Variants in BEND5 observed in about 807,000 individuals in gnomAD.
BEND5 encodes BEN domain containing 5.
Under a neutral mutation model 43.9 loss-of-function variants are expected in BEND5, and 22 were observed. The observed-to-expected ratio is 0.50, with a 90% CI of 0.36 to 0.72. The LOEUF (loss-of-function observed/expected upper bound fraction) is 0.72, where lower values mean the gene tolerates loss of function less well. Among genes scored for constraint, BEND5 ranks in the 30% least tolerant of loss-of-function variants. The probability of loss-of-function intolerance (pLI) is 0.00; values close to 1 mark genes in which losing one functional copy is unlikely to be tolerated. For missense variants in BEND5, 428 were observed against 550.6 expected, an observed-to-expected ratio of 0.78 and a Z score of 2.23; for synonymous variants, 228 against 225.9, an observed-to-expected ratio of 1.01 and a Z score of -0.08.
intron 3 of BEND5, among the ~76,000 whole-genome samples, chr1:48,746,609 G>A (rs1165693852): frequency 2.0e-5 from 3 of 152,192 alleles, no homozygotes; most frequent in Non-Finnish European, 4.4e-5. Flanking sequence ...CCTCCTTCCA[G>A]GACATTGTCT....
At chr1:48,759,577 A>G (rs1644144369) in intron 2 of BEND5, among the ~76,000 whole-genome samples, 1 of 152,184 alleles carries the variant, frequency 6.6e-6, no homozygotes, top group Admixed American at 6.5e-5. Context: ...CTGGATGCAT[A>G]TACCATGACC....
chr1:48,769,570 C>CACACACACACACACA (rs34256470), intron 1 of BEND5, among the ~76,000 whole-genome samples: 1 of 142,384 alleles, frequency 7.0e-6, no homozygotes, highest in African/African-American at 2.9e-5. Context: ...CACACACACA[C>CACACACACACACACA]AAGTTAAATT....
At position 48,761,369 on chromosome 1, in the gene BEND5, C is replaced by T. The variant is rs1644247490; in HGVS notation, c.328G>A (p.Gly110Arg). ...TGTCTAAGCTGTAAATCTTCTTCCC[C>T]ATAATCTTTAACCTCTCCATCTTCT... is the stretch of plus-strand genomic sequence containing the variant. ...VEEDGEVKDY[G>R]EEDLQLRHIK... Residue 110 changes from glycine (G) to arginine (R), a missense_variant, in exon 2 of 6, where the codon GGG (glycine) becomes AGG (arginine). Physicochemically the swap from Gly to Arg is moderately radical, Grantham distance 125 (BLOSUM62 -2). Transcript: ENST00000371833. 6.4e-7 allele frequency: 1 copy of T among 1,551,990 alleles called. No individual in the cohort carries two copies. Among genetic ancestry groups the T allele is most frequent in the Non-Finnish European group, 8.7e-7 (1 of 1,147,046 alleles).
Position 48,727,862 on chromosome 1 carries a change from A to G in BEND5, c.*24T>C. The G allele has an allele frequency of 6.3e-7, 1 of 1,592,022 alleles. No individual in the cohort carries two copies. Among genetic ancestry groups the G allele is most frequent in the Non-Finnish European group, 8.6e-7 (1 of 1,163,170 alleles). The stretch of plus-strand genomic sequence containing the variant: ...TCACATGCCACACAAGGAAAACACG[A>G]AAGCTTTATGAAAAATCCAAAGTTT... On this transcript the variant is annotated 3_prime_UTR_variant, in exon 6 of 6. Coordinates refer to ENST00000371833, the MANE Select transcript of BEND5 (RefSeq NM_024603.4).
chr1:48,744,997 G>A (rs1570463371), intron 3 of BEND5, among the ~76,000 whole-genome samples: 1 of 22,228 alleles, frequency 4.5e-5, no homozygotes, highest in Admixed American at 4.0e-4. Context: ...CTCCCAGGTA[G>A]GGGGGGTCTC....
In BEND5 at chr1:48,768,594, A is replaced by G. The variant is rs552663491; in HGVS notation, c.227-7124T>C. ...TCTGTATTCAAAAGTGAATTTACCC[A>G]TGAAGAATTTACAGTATTATTAAAA... is the stretch of plus-strand genomic sequence containing the variant. On this transcript the variant is annotated intron_variant, in intron 1 of 5. Transcript: ENST00000371833. 3.3e-4 allele frequency among the ~76,000 whole-genome samples: 51 copies of G among 152,314 alleles called. No individual in the cohort carries two copies. The South Asian group carries it at 9.7e-3, about 29-fold the overall frequency.
At chr1:48,769,004 G>A (rs907862789) in intron 1 of BEND5, among the ~76,000 whole-genome samples, 2 of 152,198 alleles carry the variant, frequency 1.3e-5, no homozygotes, top group African/African-American at 2.4e-5. Context: ...AAAGACATCA[G>A]GAGACACCAA....
intron 4 of BEND5, among the ~76,000 whole-genome samples, chr1:48,741,288 G>A (rs1354501950): frequency 2.0e-5 from 3 of 152,228 alleles, no homozygotes; most frequent in African/African-American, 7.2e-5. Context: ...CCTTTGGAGA[G>A]CATCAATCCA....
intron 4 of BEND5, among the ~76,000 whole-genome samples, chr1:48,738,662 C>A (rs1184425385): frequency 6.6e-6 from 1 of 152,126 alleles, no homozygotes; most frequent in Non-Finnish European, 1.5e-5. Context: ...GAGATGGATG[C>A]CAACTTTACA....
intron 3 of BEND5, among the ~76,000 whole-genome samples, chr1:48,749,543 T>C (rs1417233921): frequency 6.6e-6 from 1 of 152,226 alleles, no homozygotes; most frequent in East Asian, 1.9e-4. Context: ...CTCTTTCCAC[T>C]ACCCTACCCC....
chr1:48,738,172 A>G (rs1291797452), intron 4 of BEND5, among the ~76,000 whole-genome samples: 3 of 152,172 alleles, frequency 2.0e-5, no homozygotes, highest in African/African-American at 7.2e-5. Context: ...TTTACCAATT[A>G]CTGAAATTTT....
intron 1 of BEND5, among the ~76,000 whole-genome samples, chr1:48,763,470 T>G (rs545871094): frequency 2.6e-5 from 4 of 152,040 alleles, no homozygotes; most frequent in South Asian, 2.1e-4. Context: ...TGGTGTTTTT[T>G]TGTGTGTGTG....
chr1:48,729,680 C>A (rs943254351), intron 5 of BEND5, among the ~76,000 whole-genome samples: 1 of 152,150 alleles, frequency 6.6e-6, no homozygotes, highest in African/African-American at 2.4e-5. Context: ...CTTCCCTGGG[C>A]ACAGAGCCAG....
chr1:48,763,883 G>A (rs1289974734), intron 1 of BEND5, among the ~76,000 whole-genome samples: 1 of 152,176 alleles, frequency 6.6e-6, no homozygotes, highest in East Asian at 1.9e-4. Context: ...AGGATGAACA[G>A]GGTCCCCATC....
chr1:48,737,623 CTT>C (rs1323384924), intron 4 of BEND5, among the ~76,000 whole-genome samples: 1 of 152,206 alleles, frequency 6.6e-6, no homozygotes, highest in Non-Finnish European at 1.5e-5. Context: ...AAAACACAAT[CTT>C]ATGCTCCCTA....
intron 5 of BEND5, among the ~76,000 whole-genome samples, chr1:48,733,162 A>C (rs1648427793): frequency 6.6e-6 from 1 of 152,180 alleles, no homozygotes; most frequent in Non-Finnish European, 1.5e-5. Flanking sequence ...CAGCTGGGTG[A>C]CAGAGTGCCC....
At chr1:48,759,689 G>C (rs1890727) in intron 2 of BEND5, among the ~76,000 whole-genome samples, 148,608 of 152,324 alleles carry the variant, frequency 0.98, 72,583 homozygotes, top group East Asian at 1. Flanking sequence ...AGGGAGAAAT[G>C]AGGCCAGGCC....
At chr1:48,767,717 T>A (rs1644598864) in intron 1 of BEND5, among the ~76,000 whole-genome samples, 1 of 152,236 alleles carries the variant, frequency 6.6e-6, no homozygotes, top group Non-Finnish European at 1.5e-5. Context: ...TACTCTAACC[T>A]TGAGGCCAAA....
At chr1:48,741,832 T>C (rs1168119087) in intron 4 of BEND5, among the ~76,000 whole-genome samples, 1 of 152,134 alleles carries the variant, frequency 6.6e-6, no homozygotes, top group African/African-American at 2.4e-5. Context: ...GCAGAGAACA[T>C]AACGCTAAAG....
Sources: allele counts gnomAD v4.1 joint callset (sites outside exome capture counted in the v4.1 genomes callset), GRCh38; gene constraint gnomAD v4.1.1; transcripts MANE v1.5; gene names NCBI Gene and HGNC (gene_info 2026-07-23, HGNC 2026-07-21).